SLC17A7: variants seen among roughly 807,000 people sequenced by gnomAD.
SLC17A7 encodes the protein vesicular glutamate transporter 1.
Under a neutral mutation model 59.1 loss-of-function variants are expected in SLC17A7, and 15 were observed. That is an observed-to-expected ratio of 0.25 (90% CI 0.17 to 0.39). SLC17A7 has a LOEUF of 0.39. Ranked by LOEUF, SLC17A7 falls within the 10% of genes least tolerant of loss-of-function variation. SLC17A7 has a pLI of 1.00. For missense variants in SLC17A7, 499 were observed against 765.1 expected (o/e 0.65, Z 4.10); for synonymous variants, 353 against 308.9 (o/e 1.14, Z -1.50).
chr19:49,431,101 T>C lies in SLC17A7; in HGVS notation c.1303A>G (p.Ser435Gly). Reference protein sequence around the residue: ...NHLDIAPRYASILMGISNGVG... With the variant: ...NHLDIAPRYAGILMGISNGVG... The stretch of plus-strand genomic sequence containing the variant: ...CCGTTGGAGATGCCCATGAGGATGC[T>C]GGCGTAGCGCGGGGCTATGTCCAGG... Residue 435 changes from serine (S) to glycine (G), a missense_variant, in exon 11 of 12, where the codon AGC (serine) becomes GGC (glycine). Transcript: ENST00000221485. This position sits in a 1 kb window ranked among gnomAD's most constrained non-coding sequence, Gnocchi z 4.6. 7 of 1,613,982 alleles carry C rather than the reference T, an allele frequency of 4.3e-6. No homozygotes were observed. The highest frequency in any genetic ancestry group is 5.9e-6 in the Non-Finnish European group (7 of 1,180,022).
In SLC17A7 at chr19:49,436,078, C is replaced by G. The variant is rs1474285216; in HGVS notation, c.315+471G>C. 1 of 170,508 alleles carries G rather than the reference C, an allele frequency of 5.9e-6. No individual in the cohort carries two copies. The highest frequency in any genetic ancestry group is 5.5e-5 in the Admixed American group (1 of 18,332). The allele number at this position is 170,508 out of a possible 1,614,324, so 10.6% of individuals were successfully genotyped here. On this transcript the variant is annotated intron_variant, in intron 2 of 11. Coordinates refer to ENST00000221485, the MANE Select transcript of SLC17A7 (RefSeq NM_020309.4). This position sits in a 1 kb window ranked among gnomAD's most constrained non-coding sequence, Gnocchi z 4.1. The stretch of plus-strand genomic sequence containing the variant: ...CCACTGCACCGTAGCCTGGGAGACC[C>G]TGTGGGTCTTTAGATAAGGGACACA...
In SLC17A7 at chr19:49,430,726, T is replaced by A. The variant is rs749684010; in HGVS notation, c.1476A>T (p.Gly492=). 1 of 1,613,888 alleles carries A rather than the reference T, an allele frequency of 6.2e-7. No individual in the cohort carries two copies. Among genetic ancestry groups the A allele is most frequent in the Non-Finnish European group, 8.5e-7 (1 of 1,179,962 alleles). ...CAGGCTCTGCCCACGGCTGCTTCTC[T>A]CCAGAAGCAAAGACCCCGTAGAAGA... ...GVIFYGVFAS[G]EKQPWAEPEE... Residue 492 remains glycine (G), a synonymous_variant, in exon 12 of 12, where the codon GGA becomes GGT. Transcript: ENST00000221485.
At chr19:49,432,983 G>T (rs2078966596) in intron 7 of SLC17A7, 23 bp from the exon 8 acceptor site, 4 of 1,597,070 alleles carry the variant, frequency 2.5e-6, no homozygotes, top group Non-Finnish European at 3.4e-6. Context: ...GGGGAGGGCC[G>T]CTAAGACGGG....
intron 11 of SLC17A7, 40 bp downstream of exon 11, chr19:49,430,975 C>T (rs1441917677): frequency 6.3e-7 from 1 of 1,581,218 alleles, no homozygotes; most frequent in Non-Finnish European, 8.6e-7. Context: ...GTACGAAGCA[C>T]ACACTTGGAG....
At chr19:49,441,296 C>T in intron 1 of SLC17A7, 22 bp downstream of exon 1, 1 of 1,607,254 alleles carries the variant, frequency 6.2e-7, no homozygotes, top group Non-Finnish European at 8.5e-7. Context: ...CACTCTTCTC[C>T]CGGGACCCCC....
At position 49,432,602 on chromosome 19, in the gene SLC17A7, G is replaced by A; in HGVS notation, c.1067C>T (p.Pro356Leu). ...LPHLVMTIIVPIGGQIADFLR... is the reference protein window; with the variant it reads ...LPHLVMTIIVLIGGQIADFLR... ...GAAGTCCGCGATCTGGCCGCCGATGGGCACGATGATGGTCATGACCAGGTG... is the reference window on the plus strand; with the variant it reads ...GAAGTCCGCGATCTGGCCGCCGATGAGCACGATGATGGTCATGACCAGGTG... Residue 356 changes from proline to leucine, a missense_variant, in exon 9 of 12, where the codon CCC becomes CTC. By Grantham distance (98) the Pro-to-Leu change is moderately conservative. This residue lies in a region of SLC17A7 where 323 missense variants were observed against 607.2 expected (regional missense o/e 0.53). Coordinates refer to ENST00000221485, the MANE Select transcript of SLC17A7 (RefSeq NM_020309.4). 4 of 1,613,874 alleles carry A rather than the reference G, an allele frequency of 2.5e-6. No homozygotes were observed. Among genetic ancestry groups the A allele is most frequent in the Non-Finnish European group, 3.4e-6 (4 of 1,179,932 alleles).
chr19:49,434,958 A>T, intron 3 of SLC17A7, 76 bp from the exon 4 acceptor site: 1 of 1,429,404 alleles, frequency 7.0e-7, no homozygotes, highest in South Asian at 1.2e-5. Context: ...GCCCACAGCA[A>T]GCTAGGCCCA....
At chr19:49,438,287 CAG>C (rs904436161) in intron 1 of SLC17A7, 1 of 152,262 alleles carries the variant, frequency 6.6e-6, no homozygotes, top group Non-Finnish European at 1.5e-5. Context: ...AACATAGATG[CAG>C]AGAGATGAGA....
intron 8 of SLC17A7, 34 bp from the exon 9 acceptor site, chr19:49,432,685 C>A: frequency 6.2e-7 from 1 of 1,605,480 alleles, no homozygotes; most frequent in African/African-American, 1.3e-5. Context: ...CACTAGGGTT[C>A]GGGGCCGCCG....
rs758029700 is a variant in SLC17A7, at chr19:49,436,836, C to T, written c.63-35G>A. The T allele has an allele frequency of 2.9e-5, 46 of 1,591,386 alleles. No individual in the cohort carries two copies. Among genetic ancestry groups the T allele is most frequent in the East Asian group, 2.5e-4 (11 of 44,676 alleles). On this transcript the variant is annotated intron_variant, in intron 1 of 11. Transcript: ENST00000221485. The surrounding 1 kb of genome is among the most constrained non-coding windows in gnomAD (Gnocchi z 4.1). ...AGCAAGAGCCAGAGACTCGGAAGTCCAGGCCCCCAGCCCCCTCACCCCCAA... is the reference window on the plus strand; with the variant it reads ...AGCAAGAGCCAGAGACTCGGAAGTCTAGGCCCCCAGCCCCCTCACCCCCAA...
At position 49,433,364 on chromosome 19, in the gene SLC17A7, G is replaced by C; in HGVS notation, c.867+362C>G. The C allele has an allele frequency of 2.3e-6, 1 of 441,988 alleles. No individual in the cohort carries two copies. Among genetic ancestry groups the C allele is most frequent in the East Asian group, 4.9e-5 (1 of 20,520 alleles). 27.4% of individuals were successfully genotyped at this position (441,988 alleles called of 1,614,324 possible). ...GCAGCCTCCACCCCCAAAGTGTTGGGATTGCAGGCGGAAGCCACTGAGCCT... is the reference window on the plus strand; with the variant it reads ...GCAGCCTCCACCCCCAAAGTGTTGGCATTGCAGGCGGAAGCCACTGAGCCT... On this transcript the variant is annotated intron_variant, in intron 7 of 11. Coordinates refer to ENST00000221485, the MANE Select transcript of SLC17A7 (RefSeq NM_020309.4). This position sits in a 1 kb window ranked among gnomAD's most constrained non-coding sequence, Gnocchi z 5.7.
chr19:49,430,999 G>T lies in SLC17A7; in HGVS notation c.1389+16C>A. On this transcript the variant is annotated intron_variant, in intron 11 of 11. Transcript: ENST00000221485. Reference sequence around the variant, plus strand: ...ACACACTTGGAGGCAGACTGAGTCAGGACTGCGGCACCCACCTTGTGCTTA... The same window carrying T: ...ACACACTTGGAGGCAGACTGAGTCATGACTGCGGCACCCACCTTGTGCTTA... 6.3e-7 allele frequency: 1 copy of T among 1,599,536 alleles called. No individual in the cohort carries two copies. The highest frequency in any genetic ancestry group is 8.5e-7 in the Non-Finnish European group (1 of 1,171,366).
Position 49,433,494 on chromosome 19 carries a change from A to G in SLC17A7, c.867+232T>C, listed in dbSNP as rs1172411577. The G allele has an allele frequency of 1.5e-6, 1 of 682,526 alleles. No individual in the cohort carries two copies. The highest frequency in any genetic ancestry group is 2.7e-6 in the Non-Finnish European group (1 of 374,664). The allele number at this position is 682,526 out of a possible 1,614,324, so 42.3% of individuals were successfully genotyped here. ...AATCCCTTCTCTGCTGGCTTTAACT[A>G]TGCCCTGTCAGTGGTTCTAATCCTG... On this transcript the variant is annotated intron_variant, in intron 7 of 11. Coordinates refer to ENST00000221485, the MANE Select transcript of SLC17A7 (RefSeq NM_020309.4). This position sits in a 1 kb window ranked among gnomAD's most constrained non-coding sequence, Gnocchi z 5.7.
chr19:49,433,071 A>C lies in SLC17A7; in HGVS notation c.868-111T>G. ...GCAGAAACCAAAGGATCCCGACCGC[A>C]CTGAAACTTCTATGGACCCAAAGGC... is the stretch of plus-strand genomic sequence containing the variant. On this transcript the variant is annotated intron_variant, in intron 7 of 11. Coordinates refer to ENST00000221485, the MANE Select transcript of SLC17A7 (RefSeq NM_020309.4). The surrounding 1 kb of genome is among the most constrained non-coding windows in gnomAD (Gnocchi z 5.7). 3.3e-6 allele frequency: 4 copies of C among 1,198,850 alleles called. No individual in the cohort carries two copies. The highest frequency in any genetic ancestry group is 4.7e-6 in the Non-Finnish European group (4 of 857,026). The allele number at this position is 1,198,850 out of a possible 1,614,324, so 74.3% of individuals were successfully genotyped here. A position where few individuals can be genotyped will look rare whatever the true frequency, so the allele number is the denominator to read the frequency against.
intron 9 of SLC17A7, 65 bp downstream of exon 9, chr19:49,432,454 C>A: frequency 6.4e-7 from 1 of 1,553,606 alleles, no homozygotes; most frequent in Non-Finnish European, 8.7e-7. Context: ...CTCCCCATCA[C>A]CTCTCAATCC....
At chr19:49,435,489 C>T (rs1437056990) in intron 2 of SLC17A7, 1 of 529,794 alleles carries the variant, frequency 1.9e-6, no homozygotes, top group South Asian at 2.3e-5. Flanking sequence ...AGGGCCTATG[C>T]TGCCTTAACA....
rs2078979206 is a variant in SLC17A7 at position 49,436,294 on chromosome 19, G to T, written c.315+255C>A. The T allele has an allele frequency of 3.6e-6, 2 of 551,208 alleles. No individual in the cohort carries two copies. Among genetic ancestry groups the T allele is most frequent in the Non-Finnish European group, 6.4e-6 (2 of 310,420 alleles). The allele number at this position is 551,208 out of a possible 1,614,324, so 34.1% of individuals were successfully genotyped here. A position where few individuals can be genotyped will look rare whatever the true frequency, so the allele number is the denominator to read the frequency against. Reference sequence around the variant, plus strand: ...CCCTAGGGAACCTGATGTTGGGGCGGACTCTACATTTTTCAATCAAGCCCC... The same window carrying T: ...CCCTAGGGAACCTGATGTTGGGGCGTACTCTACATTTTTCAATCAAGCCCC... On this transcript the variant is annotated intron_variant, in intron 2 of 11. Transcript: ENST00000221485. This position sits in a 1 kb window ranked among gnomAD's most constrained non-coding sequence, Gnocchi z 4.1.
In SLC17A7 at chr19:49,433,663, C is replaced by T; in HGVS notation, c.867+63G>A. On this transcript the variant is annotated intron_variant, in intron 7 of 11. Transcript: ENST00000221485. This position sits in a 1 kb window ranked among gnomAD's most constrained non-coding sequence, Gnocchi z 5.7. Reference sequence around the variant, plus strand: ...CTGCAGGAACCGTCCCTGATCTACACGCTGTGCAGGTTCGTGGCTTGCTAT... The same window carrying T: ...CTGCAGGAACCGTCCCTGATCTACATGCTGTGCAGGTTCGTGGCTTGCTAT... The T allele has an allele frequency of 6.2e-7, 1 of 1,607,922 alleles. No individual in the cohort carries two copies.
rs776117731 is a variant in SLC17A7, at chr19:49,431,033, C to T, written c.1371G>A (p.Gly457=). 8 of 1,612,144 alleles carry T rather than the reference C, an allele frequency of 5.0e-6. No individual in the cohort carries two copies. Among genetic ancestry groups the T allele is most frequent in the Admixed American group, 1.7e-5 (1 of 59,958 alleles). ...CACCCACCTTGTGCTTAGTCATGGC[C>T]CCCACGATGATGGGGCACACCATGC... ...LSGMVCPIIV[G]AMTKHKTREE... Residue 457 remains glycine, a synonymous_variant, in exon 11 of 12, where the codon GGG becomes GGA. Transcript: ENST00000221485. This position sits in a 1 kb window ranked among gnomAD's most constrained non-coding sequence, Gnocchi z 4.6.
Sources: allele counts gnomAD v4.1 joint callset, GRCh38; gene constraint gnomAD v4.1.1; regional missense constraint gnomAD v4.1.1; non-coding constraint Gnocchi (gnomAD v3.1); transcripts MANE v1.5; gene names NCBI Gene and HGNC (gene_info 2026-07-23, HGNC 2026-07-21).